RALY: variants seen among roughly 807,000 people sequenced by gnomAD.
RALY encodes RALY heterogeneous nuclear ribonucleoprotein, also known as RNA-binding protein Raly.
In RALY, 15 loss-of-function variants were observed where a neutral mutation model predicts 30.7. The ratio of observed to expected loss-of-function variants is 0.49; its 90% CI spans 0.33 to 0.75. The LOEUF is 0.75. Ranked by LOEUF, RALY falls within the 30% of genes least tolerant of loss-of-function variation. The pLI is 0.02. For synonymous variants in RALY, 177 were observed against 170.8 expected (o/e 1.04, Z -0.28); for missense variants, 339 against 414.3 (o/e 0.82, Z 1.58).
At position 34,013,282 on chromosome 20, in the gene RALY, A is replaced by G. The variant is rs186822757; in HGVS notation, c.-92-18240A>G. 2.1e-3 allele frequency among the ~76,000 whole-genome samples: 318 copies of G among 152,048 alleles called. 1 individual carries two copies. The highest frequency in any genetic ancestry group is 6.7e-3 in the African/African-American group (279 of 41,504). ...AAAAAACTAGCTCGCATAATGGGGCATTCCTGTAGTCTCAGCAGCTACTTG... is the reference window on the plus strand; with the variant it reads ...AAAAAACTAGCTCGCATAATGGGGCGTTCCTGTAGTCTCAGCAGCTACTTG... On this transcript the variant is annotated intron_variant, in intron 1 of 9. Transcript: ENST00000246194.
At chr20:34,000,268 A>G (rs2030853071) in intron 1 of RALY, among the ~76,000 whole-genome samples, 1 of 152,048 alleles carries the variant, frequency 6.6e-6, no homozygotes, top group African/African-American at 2.4e-5. Flanking sequence ...TCGTTTGGTC[A>G]GTGTGTGGGC....
At chr20:34,043,156 G>C (rs2032760637) in intron 2 of RALY, among the ~76,000 whole-genome samples, 1 of 152,214 alleles carries the variant, frequency 6.6e-6, no homozygotes, top group Non-Finnish European at 1.5e-5. Flanking sequence ...CAGTGGCCTG[G>C]GATTTGGCCT....
At chr20:33,996,858 T>G (rs2030656834) in intron 1 of RALY, among the ~76,000 whole-genome samples, 1 of 152,162 alleles carries the variant, frequency 6.6e-6, no homozygotes, top group Non-Finnish European at 1.5e-5. Context: ...AGGAACCTCA[T>G]GTAAGTGGAA....
intron 8 of RALY, 101 bp from the exon 9 acceptor site, chr20:34,078,404 A>G (rs2033953829): frequency 9.7e-7 from 1 of 1,030,956 alleles, no homozygotes; most frequent in East Asian, 2.9e-5. Context: ...TGTCCTCTAG[A>G]TGCCCTCTGG....
intron 1 of RALY, among the ~76,000 whole-genome samples, chr20:34,012,445 C>CTTCTCTTTCTG (rs1555801413): frequency 1.3e-5 from 2 of 152,034 alleles, no homozygotes; most frequent in Non-Finnish European, 2.9e-5. Context: ...TTGCTTGCCT[C>CTTCTCTTTCTG]TTCTCTTTCT....
intron 1 of RALY, among the ~76,000 whole-genome samples, chr20:34,000,468 A>G (rs1458057186): frequency 2.0e-5 from 3 of 152,158 alleles, no homozygotes; most frequent in Non-Finnish European, 4.4e-5. Context: ...CTGGCCAAGT[A>G]TTAATGTTGG....
intron 2 of RALY, among the ~76,000 whole-genome samples, chr20:34,055,813 A>G (rs2033225102): frequency 6.6e-6 from 1 of 152,258 alleles, no homozygotes; most frequent in Admixed American, 6.5e-5. Flanking sequence ...TGTAGAAAGT[A>G]GCAGTATGTC....
At position 34,071,295 on chromosome 20, in the gene RALY, CT is replaced by C. The variant is rs869106387; in HGVS notation, c.-9-759del. On this transcript the variant is annotated intron_variant, in intron 2 of 9. Transcript: ENST00000246194. Reference sequence around the variant, plus strand: ...AGACTAAGCAGTTTTCTTTTCTTTTCTTTTTTTTTTTTAGACAGAGTCTGGC... The same window carrying C: ...AGACTAAGCAGTTTTCTTTTCTTTTCTTTTTTTTTTTAGACAGAGTCTGGC... 2.1e-3 allele frequency among the ~76,000 whole-genome samples: 301 copies of C among 143,938 alleles called. 1 individual carries two copies. The highest frequency in any genetic ancestry group is 3.5e-3 in the African/African-American group (139 of 39,600). The allele number at this position is 143,938 out of a possible 152,430, so 94.4% of individuals were successfully genotyped here.
chr20:34,023,326 T>TAGGGA (rs2031899447), intron 1 of RALY, among the ~76,000 whole-genome samples: 1 of 152,188 alleles, frequency 6.6e-6, no homozygotes, highest in Non-Finnish European at 1.5e-5. Flanking sequence ...TGCTCCCAAG[T>TAGGGA]AGGGAAGAGT....
Position 34,076,770 on chromosome 20 carries a change from C to A in RALY, c.613C>A (p.Leu205Met). 6.2e-7 allele frequency: 1 copy of A among 1,614,170 alleles called. No individual in the cohort carries two copies. Among genetic ancestry groups the A allele is most frequent in the South Asian group, 1.1e-5 (1 of 91,084 alleles). ...GATCAAGTCCAATATCGATGCCCTG[C>A]TGAGCCGCTTGGAGCAGATCGCTGC... ...TQIKSNIDALLSRLEQIAAEQ... is the reference protein window; with the variant it reads ...TQIKSNIDALMSRLEQIAAEQ... The change falls in exon 7 of 10, where the codon CTG (leucine) becomes ATG (methionine). Residue 205 changes from leucine to methionine, a missense_variant. By Grantham distance (15) the Leu-to-Met change is conservative (BLOSUM62 2). Transcript: ENST00000246194.
At chr20:34,031,975 T>A (rs549608065) in intron 2 of RALY, among the ~76,000 whole-genome samples, 1 of 152,150 alleles carries the variant, frequency 6.6e-6, no homozygotes, top group Non-Finnish European at 1.5e-5. Context: ...AGAGACTTGT[T>A]TTTTGAGATG....
chr20:34,007,624 A>G (rs2031216669), intron 1 of RALY, among the ~76,000 whole-genome samples: 1 of 151,740 alleles, frequency 6.6e-6, no homozygotes, highest in Non-Finnish European at 1.5e-5. Context: ...GTTCGAGACC[A>G]GCCTGACCAA....
intron 1 of RALY, among the ~76,000 whole-genome samples, chr20:33,998,259 G>GCCTA (rs2030734589): frequency 2.6e-5 from 4 of 152,318 alleles, no homozygotes; most frequent in Admixed American, 1.3e-4. Context: ...GAAAAATGAT[G>GCCTA]CCTAACCCAG....
chr20:34,025,896 G>GTTAT (rs1555802852), intron 1 of RALY, among the ~76,000 whole-genome samples: 2 of 75,050 alleles, frequency 2.7e-5, no homozygotes, highest in African/African-American at 4.2e-5. Flanking sequence ...TAGATTCCTG[G>GTTAT]TTGTTTTTTT....
intron 2 of RALY, among the ~76,000 whole-genome samples, chr20:34,041,583 T>C (rs2032702651): frequency 6.6e-6 from 1 of 152,136 alleles, no homozygotes; most frequent in African/African-American, 2.4e-5. Context: ...TGCCCTCTTG[T>C]CCCCCTCCTC....
chr20:34,011,218 T>C (rs1259912617), intron 1 of RALY, among the ~76,000 whole-genome samples: 1 of 152,194 alleles, frequency 6.6e-6, no homozygotes, highest in Non-Finnish European at 1.5e-5. Context: ...AATGATAAAT[T>C]AGCATGAATT....
chr20:33,997,924 C>T (rs776624197), intron 1 of RALY, among the ~76,000 whole-genome samples: 2 of 152,180 alleles, frequency 1.3e-5, no homozygotes, highest in African/African-American at 2.4e-5. Flanking sequence ...ATGGCCCCAA[C>T]ATTGCCTGCA....
intron 2 of RALY, among the ~76,000 whole-genome samples, chr20:34,067,816 CT>C (rs11480087): frequency 0.084 from 11,145 of 132,498 alleles, 1,364 homozygotes; most frequent in African/African-American, 0.3. Context: ...TTTCTTTTTT[CT>C]TTTTTTTTTT....
intron 1 of RALY, among the ~76,000 whole-genome samples, chr20:34,006,336 T>TA (rs781363490): frequency 8.5e-5 from 13 of 152,238 alleles, no homozygotes; most frequent in Non-Finnish European, 1.3e-4. Flanking sequence ...AGTGTGTCTC[T>TA]AAAAGATGAC....
Sources: allele counts gnomAD v4.1 joint callset (sites outside exome capture counted in the v4.1 genomes callset), GRCh38; gene constraint gnomAD v4.1.1; transcripts MANE v1.5; gene names NCBI Gene and HGNC (gene_info 2026-07-23, HGNC 2026-07-21).